Variants in CALN1 observed in about 807,000 individuals in gnomAD.
CALN1 encodes calcium-binding protein 8.
In CALN1, 17 loss-of-function variants were observed where a neutral mutation model predicts 30.6. The observed-to-expected ratio is 0.56, with a 90% CI of 0.38 to 0.83. CALN1 has a LOEUF of 0.83. CALN1 is among the 40% of genes least tolerant of loss of function. CALN1 has a pLI of 0.00. For missense variants in CALN1, 291 were observed against 354.9 expected (o/e 0.82, Z 1.45); for synonymous variants, 156 against 131.4 (o/e 1.19, Z -1.28).
At chr7:71,985,590 T>TC (rs1798625935) in intron 5 of CALN1, among the ~76,000 whole-genome samples, 2 of 139,356 alleles carry the variant, frequency 1.4e-5, no homozygotes, top group South Asian at 2.3e-4. Context: ...TTTTCTTTTT[T>TC]TTTTTTTTTT....
At chr7:72,280,599 G>C (rs2129554175) in intron 2 of CALN1, among the ~76,000 whole-genome samples, 1 of 152,312 alleles carries the variant, frequency 6.6e-6, no homozygotes, top group South Asian at 2.1e-4. Context: ...GTGTGAATTA[G>C]GACTACTCTA....
At chr7:72,164,791 G>A (rs1276797181) in intron 3 of CALN1, among the ~76,000 whole-genome samples, 1 of 152,166 alleles carries the variant, frequency 6.6e-6, no homozygotes, top group Non-Finnish European at 1.5e-5. Flanking sequence ...AGCCTCCTGA[G>A]CAGCTAGGAA....
intron 4 of CALN1, among the ~76,000 whole-genome samples, chr7:72,097,663 A>T (rs1183182913): frequency 6.6e-6 from 1 of 151,430 alleles, no homozygotes; most frequent in Non-Finnish European, 1.5e-5. Context: ...AAAAAAAAAA[A>T]ATTAAACAGA....
At chr7:71,867,711 G>C (rs1285885708) in intron 5 of CALN1, among the ~76,000 whole-genome samples, 1 of 152,174 alleles carries the variant, frequency 6.6e-6, no homozygotes, top group Non-Finnish European at 1.5e-5. Flanking sequence ...GGGATCACAG[G>C]AGTGAGCTAC....
At chr7:71,907,398 C>T (rs1280720719) in intron 5 of CALN1, among the ~76,000 whole-genome samples, 5 of 152,180 alleles carry the variant, frequency 3.3e-5, no homozygotes, top group East Asian at 1.9e-4. Flanking sequence ...TGTGCACAGC[C>T]GCATTATTTT....
intron 3 of CALN1, among the ~76,000 whole-genome samples, chr7:72,264,478 T>G (rs553120627): frequency 6.7e-6 from 1 of 150,326 alleles, no homozygotes; most frequent in South Asian, 2.1e-4. Context: ...CACTTCCTGC[T>G]CAAAAATAAT....
intron 1 of CALN1, among the ~76,000 whole-genome samples, chr7:72,420,055 C>T (rs1807556379): frequency 6.6e-6 from 1 of 152,286 alleles, no homozygotes; most frequent in Non-Finnish European, 1.5e-5. Flanking sequence ...GTCACCCTGA[C>T]CCTTCACGGA....
At chr7:72,338,470 A>AGAGTGTGTGTCT (rs1031551970) in intron 2 of CALN1, among the ~76,000 whole-genome samples, 1 of 74,760 alleles carries the variant, frequency 1.3e-5, no homozygotes. Flanking sequence ...CCAGCAGCAC[A>AGAGTGTGTGTCT]GTGTGTGTGT....
At chr7:72,362,499 C>A (rs910308941) in intron 2 of CALN1, among the ~76,000 whole-genome samples, 1 of 152,136 alleles carries the variant, frequency 6.6e-6, no homozygotes, top group Non-Finnish European at 1.5e-5. Flanking sequence ...CTGGGTACCA[C>A]GCTATCTATA....
the CALN1 span, among the ~76,000 whole-genome samples, chr7:72,495,453 A>G: frequency 6.6e-6 from 1 of 152,044 alleles, no homozygotes; most frequent in Non-Finnish European, 1.5e-5. Context: ...CACCCAACCC[A>G]CTGTGCTAGC....
At chr7:72,276,363 T>C (rs1188635889) in intron 3 of CALN1, among the ~76,000 whole-genome samples, 1 of 152,158 alleles carries the variant, frequency 6.6e-6, no homozygotes, top group Non-Finnish European at 1.5e-5. Flanking sequence ...ACACCTGCTA[T>C]GAGCTGAATG....
intron 4 of CALN1, among the ~76,000 whole-genome samples, chr7:72,028,045 C>G (rs1481461287): frequency 1.7e-5 from 2 of 117,502 alleles, no homozygotes; most frequent in East Asian, 5.0e-4. Flanking sequence ...GGCGACAGAG[C>G]GAGACTCCGT....
intron 3 of CALN1, among the ~76,000 whole-genome samples, chr7:72,256,426 C>A (rs1272457709): frequency 6.6e-6 from 1 of 152,060 alleles, no homozygotes; most frequent in East Asian, 1.9e-4. Context: ...TGCCACTGCA[C>A]TCCAGCCTGG....
At chr7:72,317,211 G>A (rs985226459) in intron 2 of CALN1, among the ~76,000 whole-genome samples, 1 of 130,796 alleles carries the variant, frequency 7.6e-6, no homozygotes, top group Admixed American at 8.0e-5. Context: ...GAGGGAGGGA[G>A]GAAGAGAGAA....
At chr7:71,836,563 G>A (rs1487664012) in intron 5 of CALN1, among the ~76,000 whole-genome samples, 1 of 151,686 alleles carries the variant, frequency 6.6e-6, no homozygotes, top group African/African-American at 2.4e-5. Flanking sequence ...AACTGTTTCT[G>A]GCTCACTGAG....
At chr7:71,981,153 A>G (rs1246447992) in intron 5 of CALN1, among the ~76,000 whole-genome samples, 2 of 152,172 alleles carry the variant, frequency 1.3e-5, no homozygotes, top group Admixed American at 1.3e-4. Context: ...TAACTCCCTT[A>G]GCCCTCGTTA....
At chr7:72,225,219 G>C (rs764282015) in intron 3 of CALN1, among the ~76,000 whole-genome samples, 2 of 152,028 alleles carry the variant, frequency 1.3e-5, no homozygotes, top group Non-Finnish European at 2.9e-5. Context: ...GGCCGGGCTC[G>C]GCTTTCACGT....
chr7:72,203,977 CTCTTTTTTTTTTTTTTT>C (rs1328567058), intron 3 of CALN1, among the ~76,000 whole-genome samples: 1 of 92,272 alleles, frequency 1.1e-5, no homozygotes, highest in African/African-American at 6.1e-5. Flanking sequence ...AGAGGCCTCT[CTCTTTTTTTTTTTTTTT>C]TTTTTTTTTT....
chr7:72,365,177 T>G (rs997060260), intron 2 of CALN1, among the ~76,000 whole-genome samples: 2 of 152,032 alleles, frequency 1.3e-5, no homozygotes, highest in Admixed American at 1.3e-4. Context: ...TGGTGGCATA[T>G]GACTGTAATC....
Sources: allele counts gnomAD v4.1 joint callset (sites outside exome capture counted in the v4.1 genomes callset), GRCh38; gene constraint gnomAD v4.1.1; transcripts MANE v1.5; gene names NCBI Gene and HGNC (gene_info 2026-07-23, HGNC 2026-07-21).